The following LIN52 variants were observed in gnomAD, a reference collection of about 807,000 sequenced individuals.
The protein encoded by LIN52 is lin-52 DREAM MuvB core complex component, also known as protein lin-52 homolog.
LIN52 carries 4 observed loss-of-function variants against 18.5 expected under a neutral mutation model. The observed-to-expected ratio is 0.22, with a 90% CI of 0.11 to 0.49. The LOEUF is 0.49. Among genes scored for constraint, LIN52 ranks in the 20% least tolerant of loss-of-function variants. The pLI, the probability that LIN52 is intolerant of heterozygous loss-of-function variation, is 0.97. For missense variants in LIN52, 102 were observed against 139.5 expected, an observed-to-expected ratio of 0.73 and a Z score of 1.35; for synonymous variants, 34 against 45.5, an observed-to-expected ratio of 0.75 and a Z score of 1.02.
chr14:74,156,484 TTTG>T (rs2061199541), intron 5 of LIN52, among the ~76,000 whole-genome samples: 1 of 152,162 alleles, frequency 6.6e-6, no homozygotes, highest in Non-Finnish European at 1.5e-5. Flanking sequence ...TTTTTATGGT[TTTG>T]TTTTTTGTTT....
intron 5 of LIN52, among the ~76,000 whole-genome samples, chr14:74,191,703 G>A (rs529130313): frequency 8.8e-4 from 132 of 149,300 alleles, no homozygotes; most frequent in Middle Eastern, 3.4e-3. Flanking sequence ...GTGCAATCTC[G>A]ACTCACTGCA....
At chr14:74,112,253 G>A (rs942846204) in intron 5 of LIN52, among the ~76,000 whole-genome samples, 1 of 151,428 alleles carries the variant, frequency 6.6e-6, no homozygotes, top group African/African-American at 2.4e-5. Context: ...TTAGCTTTTT[G>A]TTTTTCTTTT....
intron 1 of LIN52, among the ~76,000 whole-genome samples, 185 bp from the exon 2 acceptor site, chr14:74,091,047 A>G (rs992888016): frequency 6.6e-6 from 1 of 152,204 alleles, no homozygotes; most frequent in South Asian, 2.1e-4. Context: ...AGATTGAAAG[A>G]GTGAGGTTTG....
At chr14:74,174,977 T>G (rs1270071583) in intron 5 of LIN52, among the ~76,000 whole-genome samples, 1 of 148,988 alleles carries the variant, frequency 6.7e-6, no homozygotes, top group Non-Finnish European at 1.5e-5. Context: ...ATCACACCAC[T>G]GCACTCTATC....
At chr14:74,128,625 A>T (rs1246736369) in intron 5 of LIN52, among the ~76,000 whole-genome samples, 1 of 152,226 alleles carries the variant, frequency 6.6e-6, no homozygotes, top group African/African-American at 2.4e-5. Flanking sequence ...TATGTGAATT[A>T]TATCTCAGTA....
chr14:74,128,908 C>A (rs1177928937), intron 5 of LIN52, among the ~76,000 whole-genome samples: 1 of 152,202 alleles, frequency 6.6e-6, no homozygotes, highest in Non-Finnish European at 1.5e-5. Context: ...CACCACTGCA[C>A]TCCAGCCTGG....
intron 5 of LIN52, among the ~76,000 whole-genome samples, chr14:74,172,629 T>C (rs2061276653): frequency 6.6e-6 from 1 of 152,182 alleles, no homozygotes. Flanking sequence ...ATGTGATGTG[T>C]GGAGCAGGTA....
chr14:74,158,117 A>ATTT (rs200413319), intron 5 of LIN52, among the ~76,000 whole-genome samples: 146 of 62,696 alleles, frequency 2.3e-3, no homozygotes, highest in African/African-American at 7.2e-3. Flanking sequence ...ATATATATAT[A>ATTT]TATATATATT....
At chr14:74,119,160 C>CTTTTT (rs543503099) in intron 5 of LIN52, among the ~76,000 whole-genome samples, 133 of 115,388 alleles carry the variant, frequency 1.2e-3, no homozygotes, top group East Asian at 0.01. Context: ...GATTTTCTTT[C>CTTTTT]TTTTTTTTTT....
At chr14:74,106,743 A>G (rs2060899291) in intron 5 of LIN52, among the ~76,000 whole-genome samples, 1 of 152,082 alleles carries the variant, frequency 6.6e-6, no homozygotes, top group Non-Finnish European at 1.5e-5. Flanking sequence ...GGTGTGCACC[A>G]CCATGCCCAG....
chr14:74,163,234 C>T (rs1363899252), intron 5 of LIN52, among the ~76,000 whole-genome samples: 1 of 152,124 alleles, frequency 6.6e-6, no homozygotes, highest in Non-Finnish European at 1.5e-5. Flanking sequence ...GTGCACACCA[C>T]CATGCCCAGC....
At chr14:74,128,306 G>A (rs745655916) in intron 5 of LIN52, among the ~76,000 whole-genome samples, 24 of 152,196 alleles carry the variant, frequency 1.6e-4, no homozygotes, top group Non-Finnish European at 3.1e-4. Context: ...GCAGAGTACC[G>A]GAGAGGAGAG....
intron 5 of LIN52, among the ~76,000 whole-genome samples, chr14:74,143,890 A>G (rs2061143271): frequency 6.6e-6 from 1 of 152,058 alleles, no homozygotes; most frequent in Admixed American, 6.6e-5. Flanking sequence ...GTATAATTGT[A>G]ATTTTGTGCC....
intron 5 of LIN52, among the ~76,000 whole-genome samples, chr14:74,184,789 A>G (rs2061334058): frequency 6.6e-6 from 1 of 152,132 alleles, no homozygotes; most frequent in Non-Finnish European, 1.5e-5. Flanking sequence ...TTAAAATATC[A>G]TAGATGTTTG....
chr14:74,092,691 T>A (rs1238674382), intron 2 of LIN52, among the ~76,000 whole-genome samples: 1 of 150,608 alleles, frequency 6.6e-6, no homozygotes, highest in African/African-American at 2.4e-5. Flanking sequence ...CCAATGCGGG[T>A]GGATCACTTG....
intron 5 of LIN52, among the ~76,000 whole-genome samples, chr14:74,172,211 A>G (rs756381331): frequency 1.3e-5 from 2 of 152,156 alleles, no homozygotes; most frequent in African/African-American, 2.4e-5. Flanking sequence ...ATAATGGTAT[A>G]TGTATCTCTA....
At chr14:74,157,131 C>T (rs2061202715) in intron 5 of LIN52, among the ~76,000 whole-genome samples, 1 of 150,214 alleles carries the variant, frequency 6.7e-6, no homozygotes. Context: ...CTCCCAGGTT[C>T]AAGCAATTCT....
chr14:74,173,430 G>A (rs905126394), intron 5 of LIN52, among the ~76,000 whole-genome samples: 4 of 152,166 alleles, frequency 2.6e-5, no homozygotes, highest in East Asian at 1.9e-4. Context: ...CAGGTGATCC[G>A]CCCGCCTTGG....
chr14:74,191,583 TAAAC>T (rs992905402), intron 5 of LIN52, among the ~76,000 whole-genome samples: 1 of 151,868 alleles, frequency 6.6e-6, no homozygotes, highest in African/African-American at 2.4e-5. Flanking sequence ...GCCAATTAAA[TAAAC>T]AGCCTTTAGC....
Sources: gnomAD v4.1 joint callset for allele counts (sites outside exome capture counted in the v4.1 genomes callset) on GRCh38, gnomAD v4.1.1 for gene constraint, MANE v1.5 for transcripts, NCBI Gene and HGNC (gene_info 2026-07-23, HGNC 2026-07-21) for gene names.